The following SPINT1 variants were observed in gnomAD, a reference collection of about 807,000 sequenced individuals.
SPINT1 encodes the protein serine peptidase inhibitor, Kunitz type 1.
Under a neutral mutation model 53.7 loss-of-function variants are expected in SPINT1, and 38 were observed. The ratio of observed to expected loss-of-function variants is 0.71; its 90% CI spans 0.55 to 0.93. The LOEUF (loss-of-function observed/expected upper bound fraction) is 0.93. Ranked by LOEUF, SPINT1 falls within the 40% of genes least tolerant of loss-of-function variation. The probability of loss-of-function intolerance (pLI) is 0.00; values close to 1 mark genes in which losing one functional copy is unlikely to be tolerated. For missense variants in SPINT1, 645 were observed against 692.9 expected (o/e 0.93, Z 0.78); for synonymous variants, 283 against 280.6 (o/e 1.01, Z -0.08).
Position 40,855,978 on chromosome 15 carries a change from C to G in SPINT1, c.1204C>G (p.Arg402Gly), listed in dbSNP as rs1255246317. The change falls in exon 9 of 11, where the codon CGC (arginine) becomes GGC (glycine). Residue 402 changes from arginine (R) to glycine (G), a missense_variant. Coordinates refer to ENST00000562057, the MANE Select transcript of SPINT1 (RefSeq NM_003710.4). The stretch of plus-strand genomic sequence containing the variant: ...CAACCCCTTCAGCGAACACTGCGCC[C>G]GCTTTACCTATGGTGGTTGTTACGG... Reference protein sequence around the residue: ...YYNPFSEHCARFTYGGCYGNK... With the variant: ...YYNPFSEHCAGFTYGGCYGNK... 1 of 1,614,106 alleles carries G rather than the reference C, an allele frequency of 6.2e-7. No homozygotes were observed. Among genetic ancestry groups the G allele is most frequent in the Non-Finnish European group, 8.5e-7 (1 of 1,180,056 alleles).
At chr15:40,853,369 G>T in intron 3 of SPINT1, 118 bp downstream of exon 3, 1 of 1,600,050 alleles carries the variant, frequency 6.2e-7, no homozygotes, top group Non-Finnish European at 8.5e-7. Flanking sequence ...AGAGGCTGAA[G>T]ATGCATTTAA....
chr15:40,856,571 T>A (rs1250207264), intron 10 of SPINT1, among the ~76,000 whole-genome samples, 199 bp from the exon 11 acceptor site: 1 of 152,140 alleles, frequency 6.6e-6, no homozygotes, highest in African/African-American at 2.4e-5. Flanking sequence ...CGACTTGAGC[T>A]GAGACCTGAG....
intron 2 of SPINT1, among the ~76,000 whole-genome samples, chr15:40,850,351 G>A (rs1303319420): frequency 1.3e-5 from 2 of 152,172 alleles, no homozygotes; most frequent in African/African-American, 2.4e-5. Flanking sequence ...GATTACAGGC[G>A]TGAGCCACCG....
At chr15:40,846,163 C>A (rs1891289246) in intron 2 of SPINT1, among the ~76,000 whole-genome samples, 1 of 152,164 alleles carries the variant, frequency 6.6e-6, no homozygotes. Flanking sequence ...GGTAGCCAAA[C>A]CTTGTTTACT....
At chr15:40,856,604 T>C (rs1261603882) in intron 10 of SPINT1, among the ~76,000 whole-genome samples, 166 bp from the exon 11 acceptor site, 1 of 152,110 alleles carries the variant, frequency 6.6e-6, no homozygotes, top group Non-Finnish European at 1.5e-5. Flanking sequence ...TCCTCTGAGC[T>C]CCTGGACAGA....
Position 40,844,612 on chromosome 15 carries a change from G to T in SPINT1, c.58G>T (p.Val20Phe), listed in dbSNP as rs1891218686. ...ARLAPAGIPA[V>F]ALWLLCTLGL... is the part of the protein sequence containing the mutation. ...CCTCGCCCCGGCCGGCATCCCTGCCGTCGCCTTGTGGCTTCTGTGCACGCT... is the reference window on the plus strand; with the variant it reads ...CCTCGCCCCGGCCGGCATCCCTGCCTTCGCCTTGTGGCTTCTGTGCACGCT... The change falls in exon 2 of 11, where the codon GTC becomes TTC. Residue 20 changes from valine (V) to phenylalanine (F), a missense_variant. By Grantham distance (50) the Val-to-Phe change is conservative. Coordinates refer to ENST00000562057, the MANE Select transcript of SPINT1 (RefSeq NM_003710.4). The surrounding 1 kb of genome is among the most constrained non-coding windows in gnomAD (Gnocchi z 5.8). 1 of 1,609,614 alleles carries T rather than the reference G, an allele frequency of 6.2e-7. No individual in the cohort carries two copies. The highest frequency in any genetic ancestry group is 1.3e-5 in the African/African-American group (1 of 74,724).
Position 40,857,141 on chromosome 15 carries a change from T to C in SPINT1, c.*166T>C. The C allele has an allele frequency of 1.1e-6, 1 of 928,396 alleles. No individual in the cohort carries two copies. Among genetic ancestry groups the C allele is most frequent in the Non-Finnish European group, 1.6e-6 (1 of 635,986 alleles). 57.5% of individuals were successfully genotyped at this position (928,396 alleles called of 1,614,324 possible). ...TGGAGAAGTCTCAGCTAAGCTCACG[T>C]CCTGAGAAAGCTCAAAGGTTTGGAA... is the stretch of plus-strand genomic sequence containing the variant. On this transcript the variant is annotated 3_prime_UTR_variant, in exon 11 of 11. Transcript: ENST00000562057.
chr15:40,854,401 C>T lies in SPINT1; in HGVS notation c.945C>T (p.Cys315=), dbSNP rs773727033. 1 of 1,593,346 alleles carries T rather than the reference C, an allele frequency of 6.3e-7. No individual in the cohort carries two copies. The highest frequency in any genetic ancestry group is 2.2e-5 in the East Asian group (1 of 44,734). Residue 315 remains cysteine (C), a synonymous_variant, in exon 7 of 11, where the codon TGC becomes TGT. Transcript: ENST00000562057. ...GPSMERRHPV[C]SGTCQPTQFR... ...ACCTCCCTTCCACCCGTCCAGTGTG[C>T]TCTGGCACCTGTCAGCCCACCCAGT...
Position 40,844,505 on chromosome 15 carries a change from G to C in SPINT1, c.-50G>C. 6.4e-7 allele frequency: 1 copy of C among 1,572,222 alleles called. No individual in the cohort carries two copies. Among genetic ancestry groups the C allele is most frequent in the Middle Eastern group, 2.0e-4 (1 of 5,108 alleles). Reference sequence around the variant, plus strand: ...TTCTTCTCAGGTCACCAGCACCCTCGGAACCCAGAGGCCCGCGCTCTGAAG... The same window carrying C: ...TTCTTCTCAGGTCACCAGCACCCTCCGAACCCAGAGGCCCGCGCTCTGAAG... On this transcript the variant is annotated 5_prime_UTR_variant, in exon 2 of 11. Transcript: ENST00000562057. This position sits in a 1 kb window ranked among gnomAD's most constrained non-coding sequence, Gnocchi z 5.8.
rs781566038 is a variant in SPINT1 at position 40,844,591 on chromosome 15, G to A, written c.37G>A (p.Ala13Thr). ...PARTMARARL[A>T]PAGIPAVALW... Reference sequence around the variant, plus strand: ...GAGGACGATGGCCCGCGCCCGCCTCGCCCCGGCCGGCATCCCTGCCGTCGC... The same window carrying A: ...GAGGACGATGGCCCGCGCCCGCCTCACCCCGGCCGGCATCCCTGCCGTCGC... Residue 13 changes from alanine to threonine, a missense_variant, in exon 2 of 11, where the codon GCC becomes ACC. Physicochemically the swap from Ala to Thr is moderately conservative, Grantham distance 58. Coordinates refer to ENST00000562057, the MANE Select transcript of SPINT1 (RefSeq NM_003710.4). This position sits in a 1 kb window ranked among gnomAD's most constrained non-coding sequence, Gnocchi z 5.8. The A allele has an allele frequency of 8.1e-6, 13 of 1,609,256 alleles. No individual in the cohort carries two copies. The African/African-American group carries it at 1.7e-4, about 22-fold the overall frequency.
chr15:40,854,673 T>C lies in SPINT1; in HGVS notation c.1101T>C (p.His367=). 1 of 1,614,150 alleles carries C rather than the reference T, an allele frequency of 6.2e-7. No individual in the cohort carries two copies. Among genetic ancestry groups the C allele is most frequent in the African/African-American group, 1.3e-5 (1 of 75,046 alleles). Residue 367 remains histidine (H), a synonymous_variant, in exon 8 of 11, where the codon CAT becomes CAC. Transcript: ENST00000562057. ...GCTTTGACGAGCTCCAGCGCATCCA[T>C]TTCCCCAGTGACAAAGGTGAGATCC... ...TSGFDELQRI[H]FPSDKGHCVD... is the part of the protein sequence containing the mutation.
At position 40,853,617 on chromosome 15, in the gene SPINT1, G is replaced by A. The variant is rs767440427; in HGVS notation, c.732G>A (p.Lys244=). 6.8e-6 allele frequency: 11 copies of A among 1,614,000 alleles called. No homozygotes were observed. Among genetic ancestry groups the A allele is most frequent in the Non-Finnish European group, 5.9e-6 (7 of 1,179,950 alleles). ...TCACAGTCACTGTGCTGTCCACCAAGCAGACAGAAGGTGAGGGAGGGGTGA... is the reference window on the plus strand; with the variant it reads ...TCACAGTCACTGTGCTGTCCACCAAACAGACAGAAGGTGAGGGAGGGGTGA... ...ANVTVTVLST[K]QTEDYCLASN... Residue 244 remains lysine, a synonymous_variant, in exon 4 of 11, where the codon AAG becomes AAA. Coordinates refer to ENST00000562057, the MANE Select transcript of SPINT1 (RefSeq NM_003710.4).
chr15:40,847,914 C>T (rs951873502), intron 2 of SPINT1, among the ~76,000 whole-genome samples: 1 of 151,944 alleles, frequency 6.6e-6, no homozygotes, highest in South Asian at 2.1e-4. Context: ...GGAGGGAGGA[C>T]TGCGCTCCTC....
At chr15:40,851,818 C>G (rs582639) in intron 2 of SPINT1, among the ~76,000 whole-genome samples, 96,468 of 152,080 alleles carry the variant, frequency 0.63, 34,874 homozygotes, top group Non-Finnish European at 0.78. Context: ...GTCAGGAGTT[C>G]AAGACCAGCC....
intron 2 of SPINT1, among the ~76,000 whole-genome samples, chr15:40,848,266 G>A (rs1596145983): frequency 6.6e-6 from 1 of 152,054 alleles, no homozygotes; most frequent in Non-Finnish European, 1.5e-5. Context: ...CCTACCAGCT[G>A]TTCTTAGCTC....
rs1891710880 is a variant in SPINT1, at chr15:40,858,072, T to A, written c.*1097T>A. ...AGAAGCCCTGGCTTCTGCGCTGGAG[T>A]GCAGCACCCCCAACCAGGCTCTGAG... On this transcript the variant is annotated 3_prime_UTR_variant, in exon 11 of 11. Coordinates refer to ENST00000562057, the MANE Select transcript of SPINT1 (RefSeq NM_003710.4). The A allele has an allele frequency of 6.6e-6, 1 of 151,484 alleles. No homozygotes were observed. Among genetic ancestry groups the A allele is most frequent in the South Asian group, 2.1e-4 (1 of 4,816 alleles). The allele number at this position is 151,484 out of a possible 1,614,324, so 9.4% of individuals were successfully genotyped here.
intron 2 of SPINT1, among the ~76,000 whole-genome samples, chr15:40,846,659 AG>A (rs1891308482): frequency 6.6e-6 from 1 of 152,186 alleles, no homozygotes; most frequent in African/African-American, 2.4e-5. Flanking sequence ...TTTGGGGGCC[AG>A]AACTGGGCTG....
chr15:40,854,105 C>A lies in SPINT1; in HGVS notation c.940+19C>A. The A allele has an allele frequency of 6.5e-7, 1 of 1,530,076 alleles. No individual in the cohort carries two copies. Among genetic ancestry groups the A allele is most frequent in the Non-Finnish European group, 8.8e-7 (1 of 1,141,296 alleles). 94.8% of individuals were successfully genotyped at this position (1,530,076 alleles called of 1,614,324 possible). On this transcript the variant is annotated intron_variant, in intron 6 of 10. Coordinates refer to ENST00000562057, the MANE Select transcript of SPINT1 (RefSeq NM_003710.4). ...CATCCAGGTGGGCTTTACTCCCCTC[C>A]CCATCCCCCATCCCCACCACATCTC...
At chr15:40,846,950 T>C (rs1402855767) in intron 2 of SPINT1, among the ~76,000 whole-genome samples, 2 of 152,208 alleles carry the variant, frequency 1.3e-5, no homozygotes, top group African/African-American at 2.4e-5. Context: ...GTGATGACTC[T>C]TACTGACCTG....
Sources: allele counts gnomAD v4.1 joint callset (sites outside exome capture counted in the v4.1 genomes callset), GRCh38; gene constraint gnomAD v4.1.1; non-coding constraint Gnocchi (gnomAD v3.1); transcripts MANE v1.5; gene names NCBI Gene and HGNC (gene_info 2026-07-23, HGNC 2026-07-21).